Variants in KCNIP4 observed in about 807,000 individuals in gnomAD.
KCNIP4 encodes the protein potassium voltage-gated channel interacting protein 4.
KCNIP4 carries 12 observed loss-of-function variants against 34.0 expected under a neutral mutation model. The ratio of observed to expected loss-of-function variants is 0.35; its 90% CI spans 0.23 to 0.57. The LOEUF (loss-of-function observed/expected upper bound fraction) is 0.57, where lower values mean the gene tolerates loss of function less well. Ranked by LOEUF, KCNIP4 falls within the 20% of genes least tolerant of loss-of-function variation. The pLI is 0.83. For synonymous variants in KCNIP4, 124 were observed against 102.2 expected, an observed-to-expected ratio of 1.21 and a Z score of -1.29; for missense variants, 238 against 311.7, an observed-to-expected ratio of 0.76 and a Z score of 1.78.
At chr4:21,940,174 A>AGG (rs1218309569) in intron 1 of KCNIP4, among the ~76,000 whole-genome samples, 1 of 152,214 alleles carries the variant, frequency 6.6e-6, no homozygotes, top group Non-Finnish European at 1.5e-5. Context: ...AGATAATGTA[A>AGG]TGTCTTTAGG....
At chr4:21,494,987 A>G (rs1732737327) in intron 1 of KCNIP4, among the ~76,000 whole-genome samples, 1 of 152,160 alleles carries the variant, frequency 6.6e-6, no homozygotes, top group Admixed American at 6.6e-5. Context: ...GGTGAGAGAA[A>G]AAAAGATAAC....
intron 1 of KCNIP4, among the ~76,000 whole-genome samples, chr4:21,929,472 T>C (rs1314520200): frequency 6.6e-6 from 1 of 152,144 alleles, no homozygotes; most frequent in East Asian, 1.9e-4. Context: ...CTATATGGCA[T>C]ATACAAGGTA....
chr4:21,252,305 T>A (rs1760769033), intron 1 of KCNIP4, among the ~76,000 whole-genome samples: 1 of 151,930 alleles, frequency 6.6e-6, no homozygotes, highest in Non-Finnish European at 1.5e-5. Flanking sequence ...CTTTTGTATT[T>A]TTAGTAGAGA....
chr4:20,897,754 A>G (rs1329518004), intron 1 of KCNIP4, among the ~76,000 whole-genome samples: 1 of 152,126 alleles, frequency 6.6e-6, no homozygotes, highest in African/African-American at 2.4e-5. Context: ...AGGCCTCAGA[A>G]GGAAAGACGC....
chr4:21,939,500 G>A (rs1198596494), intron 1 of KCNIP4, among the ~76,000 whole-genome samples: 1 of 152,032 alleles, frequency 6.6e-6, no homozygotes, highest in Non-Finnish European at 1.5e-5. Flanking sequence ...TACAGGTTCT[G>A]GCTTCCTTTT....
chr4:20,994,397 A>C (rs1577502325), intron 1 of KCNIP4, among the ~76,000 whole-genome samples: 1 of 152,232 alleles, frequency 6.6e-6, no homozygotes, highest in African/African-American at 2.4e-5. Context: ...TTTATTTTTA[A>C]CATACAGAAA....
At chr4:21,471,613 T>C (rs1730475319) in intron 1 of KCNIP4, among the ~76,000 whole-genome samples, 1 of 152,186 alleles carries the variant, frequency 6.6e-6, no homozygotes, top group Non-Finnish European at 1.5e-5. Context: ...TTCCTATAGA[T>C]TGTAGAGAAA....
intron 1 of KCNIP4, among the ~76,000 whole-genome samples, chr4:21,612,562 G>GGA (rs1744237513): frequency 6.6e-6 from 1 of 152,124 alleles, no homozygotes; most frequent in Non-Finnish European, 1.5e-5. Context: ...TTAAAGAGAT[G>GGA]GAATGCATTT....
At chr4:21,150,656 T>C (rs894829488) in intron 1 of KCNIP4, among the ~76,000 whole-genome samples, 1 of 152,220 alleles carries the variant, frequency 6.6e-6, no homozygotes, top group African/African-American at 2.4e-5. Context: ...TTTGTGAGTA[T>C]AAAATTGTGT....
At chr4:21,075,382 C>A (rs1046301592) in intron 1 of KCNIP4, among the ~76,000 whole-genome samples, 3 of 152,134 alleles carry the variant, frequency 2.0e-5, no homozygotes, top group Admixed American at 6.5e-5. Flanking sequence ...GATCCCTTTA[C>A]CATTATGTAA....
chr4:21,589,943 T>C (rs1345306951), intron 1 of KCNIP4, among the ~76,000 whole-genome samples: 2 of 152,010 alleles, frequency 1.3e-5, no homozygotes, highest in Admixed American at 6.6e-5. Flanking sequence ...AAGATATTCA[T>C]GGTTTGGTTT....
At chr4:21,089,092 A>T (rs547474094) in intron 1 of KCNIP4, among the ~76,000 whole-genome samples, 2 of 152,232 alleles carry the variant, frequency 1.3e-5, no homozygotes, top group Non-Finnish European at 2.9e-5. Flanking sequence ...CTAAAATTTT[A>T]GCAAGTTTTA....
intron 1 of KCNIP4, chr4:21,850,277 GTA>G (rs1210430280): frequency 6.6e-6 from 1 of 152,214 alleles, no homozygotes; most frequent in African/African-American, 2.4e-5. Flanking sequence ...AATGAAAAAT[GTA>G]TGTTTTATTG....
In KCNIP4 at chr4:20,939,250, T is replaced by A. The variant is rs376142246; in HGVS notation, c.62-56541A>T. Among the ~76,000 whole-genome samples the A allele has an allele frequency of 2.8e-4, 42 of 152,256 alleles. No homozygotes were observed. The East Asian group carries it at 3.9e-3, about 14-fold the overall frequency. On this transcript the variant is annotated intron_variant, in intron 1 of 8. Transcript: ENST00000382152. ...GAGCTATTGCTTCCCAACTCTACAT[T>A]CCTATTTGCTATCTCCTTGCTGAAA...
At chr4:21,587,563 A>T (rs1377316871) in intron 1 of KCNIP4, among the ~76,000 whole-genome samples, 1 of 151,380 alleles carries the variant, frequency 6.6e-6, no homozygotes, top group Non-Finnish European at 1.5e-5. Flanking sequence ...CAACAACAAC[A>T]ACAAAAACCA....
At chr4:21,816,953 G>C (rs1476781031) in intron 1 of KCNIP4, among the ~76,000 whole-genome samples, 1 of 152,144 alleles carries the variant, frequency 6.6e-6, no homozygotes, top group Non-Finnish European at 1.5e-5. Flanking sequence ...TTTAAAAGCT[G>C]TTGTGAGAAT....
chr4:21,327,721 C>A (rs955730486), intron 1 of KCNIP4, among the ~76,000 whole-genome samples: 1 of 151,818 alleles, frequency 6.6e-6, no homozygotes, highest in Non-Finnish European at 1.5e-5. Context: ...ACGTAGGCAT[C>A]CTTTGTTCTT....
intron 1 of KCNIP4, among the ~76,000 whole-genome samples, chr4:21,617,556 C>T (rs1386455438): frequency 6.6e-6 from 1 of 152,112 alleles, no homozygotes; most frequent in Non-Finnish European, 1.5e-5. Context: ...GAATCATAAA[C>T]AAATTATAGA....
chr4:21,308,925 C>A (rs750933807), intron 1 of KCNIP4, among the ~76,000 whole-genome samples: 1 of 150,914 alleles, frequency 6.6e-6, no homozygotes, highest in Non-Finnish European at 1.5e-5. Flanking sequence ...GGCTCTACTG[C>A]TGCATGAAGG....
Sources: allele counts gnomAD v4.1 joint callset (sites outside exome capture counted in the v4.1 genomes callset), GRCh38; gene constraint gnomAD v4.1.1; transcripts MANE v1.5; gene names NCBI Gene and HGNC (gene_info 2026-07-23, HGNC 2026-07-21).